FSD1L: variants seen among roughly 807,000 people sequenced by gnomAD.
The protein encoded by FSD1L is fibronectin type III and SPRY domain containing 1 like.
FSD1L carries 45 observed loss-of-function variants against 71.6 expected under a neutral mutation model. The observed-to-expected ratio is 0.63, with a 90% confidence interval of 0.49 to 0.81. The LOEUF is 0.81. Among genes scored for constraint, FSD1L ranks in the 30% least tolerant of loss-of-function variants. The pLI is 0.00. For synonymous variants in FSD1L, 197 were observed against 207.2 expected (o/e 0.95, Z 0.42); for missense variants, 561 against 618.1 (o/e 0.91, Z 0.98).
chr9:105,540,512 C>A (rs995505995), intron 13 of FSD1L, among the ~76,000 whole-genome samples: 2 of 152,186 alleles, frequency 1.3e-5, no homozygotes, highest in African/African-American at 4.8e-5. Flanking sequence ...TGAAAATATT[C>A]TTCTAAAAGC....
chr9:105,516,236 C>G (rs780855905), intron 10 of FSD1L, among the ~76,000 whole-genome samples: 1 of 152,284 alleles, frequency 6.6e-6, no homozygotes, highest in African/African-American at 2.4e-5. Context: ...GACAGAGCCC[C>G]TGGGGGAAGG....
chr9:105,471,453 GA>G (rs1422341420), intron 4 of FSD1L, among the ~76,000 whole-genome samples: 9 of 152,208 alleles, frequency 5.9e-5, no homozygotes, highest in Admixed American at 6.5e-5. Context: ...AGATAAAATT[GA>G]ATTGCGAGCA....
intron 6 of FSD1L, among the ~76,000 whole-genome samples, chr9:105,483,438 C>G (rs967293790): frequency 2.0e-5 from 3 of 152,112 alleles, no homozygotes; most frequent in African/African-American, 7.2e-5. Flanking sequence ...GTTTCCTTCC[C>G]CTTCCAAATT....
rs75405856 is a variant in FSD1L, at chr9:105,489,241, A to G, written c.586+4739A>G. Among the ~76,000 whole-genome samples the G allele has an allele frequency of 5.2e-3, 791 of 152,302 alleles. 4 individuals are homozygous for G. The highest frequency in any genetic ancestry group is 9.1e-3 in the Non-Finnish European group (621 of 67,998). On this transcript the variant is annotated intron_variant, in intron 7 of 13. Coordinates refer to ENST00000481272, the MANE Select transcript of FSD1L (RefSeq NM_001145313.3). ...GTAAAATGCATGGTGAAGCCTACAT[A>G]TGCCTTTTTTGGGGCCCACTGATCT...
At chr9:105,510,734 A>G (rs1293511527) in intron 9 of FSD1L, among the ~76,000 whole-genome samples, 1 of 152,186 alleles carries the variant, frequency 6.6e-6, no homozygotes, top group East Asian at 1.9e-4. Flanking sequence ...GTATATTATT[A>G]GTTATTTTCT....
intron 7 of FSD1L, among the ~76,000 whole-genome samples, chr9:105,490,417 A>T (rs1316685899): frequency 6.6e-6 from 1 of 152,162 alleles, no homozygotes; most frequent in Non-Finnish European, 1.5e-5. Flanking sequence ...CCTTTGTCAG[A>T]TGAGTAGGTT....
intron 13 of FSD1L, among the ~76,000 whole-genome samples, chr9:105,544,142 G>GT (rs1204082567): frequency 6.6e-6 from 1 of 152,156 alleles, no homozygotes. Flanking sequence ...GTGTGAGATG[G>GT]TATCTCATTG....
intron 10 of FSD1L, among the ~76,000 whole-genome samples, chr9:105,519,839 A>AGCG (rs958742799): frequency 1.3e-5 from 2 of 151,986 alleles, no homozygotes; most frequent in African/African-American, 4.8e-5. Flanking sequence ...GCTGGAGACG[A>AGCG]GCGGCGGCGG....
intron 2 of FSD1L, 107 bp from the exon 3 acceptor site, chr9:105,464,129 T>C: frequency 1.6e-6 from 1 of 634,852 alleles, no homozygotes; most frequent in South Asian, 1.9e-5. Context: ...TGCTCCTATT[T>C]GTTATACAAT....
chr9:105,496,920 G>T (rs1414503946), intron 7 of FSD1L, among the ~76,000 whole-genome samples: 2 of 152,226 alleles, frequency 1.3e-5, no homozygotes, highest in African/African-American at 4.8e-5. Flanking sequence ...AGTAGAAAGA[G>T]GGGGATCCTT....
intron 10 of FSD1L, chr9:105,513,473 C>A: frequency 1.7e-6 from 1 of 576,106 alleles, no homozygotes; most frequent in Non-Finnish European, 2.9e-6. Context: ...AAGATAAATG[C>A]CATTGTGAGT....
At chr9:105,491,582 T>A (rs1046871827) in intron 7 of FSD1L, among the ~76,000 whole-genome samples, 1 of 152,150 alleles carries the variant, frequency 6.6e-6, no homozygotes, top group Non-Finnish European at 1.5e-5. Context: ...GTGCCAGTTT[T>A]CAAAGGGAAT....
intron 1 of FSD1L, among the ~76,000 whole-genome samples, chr9:105,452,657 GCCTGCCTGCCTGCCTTCCTTCCTT>G (rs1453109260): frequency 1.2e-4 from 16 of 128,570 alleles, no homozygotes; most frequent in Admixed American, 3.1e-4. Context: ...CTGCCTGCCT[GCCTGCCTGCCTGCCTTCCTTCCTT>G]CCTTCCTTCC....
intron 7 of FSD1L, among the ~76,000 whole-genome samples, chr9:105,498,020 T>G (rs923106158): frequency 9.2e-5 from 14 of 151,916 alleles, no homozygotes; most frequent in Non-Finnish European, 1.6e-4. Flanking sequence ...ATTTAAATCT[T>G]TTTTTGTAGA....
intron 8 of FSD1L, among the ~76,000 whole-genome samples, chr9:105,507,894 T>C (rs1027716024): frequency 2.0e-5 from 3 of 149,366 alleles, no homozygotes; most frequent in African/African-American, 7.3e-5. Flanking sequence ...CTCTTCTTTT[T>C]TTTTTTTTTT....
At chr9:105,485,695 C>T (rs1588984132) in intron 7 of FSD1L, among the ~76,000 whole-genome samples, 1 of 151,182 alleles carries the variant, frequency 6.6e-6, no homozygotes, top group African/African-American at 2.4e-5. Context: ...CCAGGCTGGA[C>T]TGCAGTGGCA....
At chr9:105,478,593 G>GT (rs1000224791) in intron 5 of FSD1L, among the ~76,000 whole-genome samples, 5 of 151,784 alleles carry the variant, frequency 3.3e-5, no homozygotes, top group African/African-American at 9.7e-5. Context: ...GTTTTTACTT[G>GT]TTTTTTATTA....
intron 1 of FSD1L, among the ~76,000 whole-genome samples, chr9:105,460,114 C>T (rs1830593052): frequency 6.6e-6 from 1 of 152,150 alleles, no homozygotes; most frequent in African/African-American, 2.4e-5. Flanking sequence ...TGGGGAAGTA[C>T]AGTATTTTTA....
rs888367607 is a variant in FSD1L, at chr9:105,508,606, C to T, written c.797-11C>T. Reference sequence around the variant, plus strand: ...TGTACATGTCTGAAAACCATGTTTTCGTTTCTTCAGGCTTAAAATTTGATT... The same window carrying T: ...TGTACATGTCTGAAAACCATGTTTTTGTTTCTTCAGGCTTAAAATTTGATT... On this transcript the variant is annotated splice_polypyrimidine_tract_variant and intron_variant, in intron 8 of 13. Transcript: ENST00000481272. 115 of 1,510,870 alleles carry T rather than the reference C, an allele frequency of 7.6e-5. No individual in the cohort carries two copies. In the Admixed American group the frequency reaches 1.2e-3, roughly 16 times the overall value. 93.6% of individuals were successfully genotyped at this position (1,510,870 alleles called of 1,614,324 possible). A position where few individuals can be genotyped will look rare whatever the true frequency, so the allele number is the denominator to read the frequency against.
Sources: gnomAD v4.1 joint callset for allele counts (sites outside exome capture counted in the v4.1 genomes callset) on GRCh38, gnomAD v4.1.1 for gene constraint, MANE v1.5 for transcripts, NCBI Gene and HGNC (gene_info 2026-07-23, HGNC 2026-07-21) for gene names.